Variants in MCM4 observed in about 807,000 individuals in gnomAD.
The protein encoded by MCM4 is DNA replication licensing factor MCM4.
Under a neutral mutation model 88.7 loss-of-function variants are expected in MCM4, and 60 were observed. The observed-to-expected ratio is 0.68, with a 90% CI of 0.55 to 0.84. MCM4 has a LOEUF of 0.84. Ranked by LOEUF, MCM4 falls within the 40% of genes least tolerant of loss-of-function variation. The pLI is 0.00. For missense variants in MCM4, 1,149 were observed against 1,105.5 expected (o/e 1.04, Z -0.56); for synonymous variants, 465 against 410.5 (o/e 1.13, Z -1.61).
intron 2 of MCM4, 135 bp from the exon 3 acceptor site, chr8:47,961,381 C>G (rs972350217): frequency 2.0e-6 from 3 of 1,534,708 alleles, no homozygotes; most frequent in Non-Finnish European, 2.6e-6. Context: ...GGCCTGGGTG[C>G]TGCTTAATTC....
In MCM4 at chr8:47,967,572, G is replaced by C. The variant is rs142928086; in HGVS notation, c.1174+87G>C. The C allele has an allele frequency of 2.6e-6, 4 of 1,525,902 alleles. No homozygotes were observed. The African/African-American group carries it at 5.4e-5, about 21-fold the overall frequency. The allele number at this position is 1,525,902 out of a possible 1,614,324, so 94.5% of individuals were successfully genotyped here. ...TAGTGAGTCATTGGACTTGGTCACA[G>C]GTCCAGTTCTACCTCCAGTTGTCAC... On this transcript the variant is annotated intron_variant, in intron 10 of 16. Coordinates refer to ENST00000649973, the MANE Select transcript of MCM4 (RefSeq NM_182746.3).
Position 47,976,924 on chromosome 8 carries a change from A to G in MCM4, c.*146A>G, listed in dbSNP as rs541909905. On this transcript the variant is annotated 3_prime_UTR_variant, in exon 17 of 17. Coordinates refer to ENST00000649973, the MANE Select transcript of MCM4 (RefSeq NM_182746.3). ...ATAAAAATTTTCTAACTTGGGTTCAATATTTGTAGTGAAGTATCTGTTTTC... is the reference window on the plus strand; with the variant it reads ...ATAAAAATTTTCTAACTTGGGTTCAGTATTTGTAGTGAAGTATCTGTTTTC... 1.6e-5 allele frequency: 9 copies of G among 562,504 alleles called. No individual in the cohort carries two copies. The highest frequency in any genetic ancestry group is 5.7e-5 in the African/African-American group (3 of 53,078). 34.8% of individuals were successfully genotyped at this position (562,504 alleles called of 1,614,324 possible).
chr8:47,975,295 C>T lies in MCM4; in HGVS notation c.2365+333C>T, dbSNP rs17287746. The T allele has an allele frequency of 5.8e-3, 1,249 of 214,510 alleles. 14 individuals carry two copies. The highest frequency in any genetic ancestry group is 0.027 in the African/African-American group (1,149 of 42,372). 13.3% of individuals were successfully genotyped at this position (214,510 alleles called of 1,614,324 possible). On this transcript the variant is annotated intron_variant, in intron 15 of 16. Coordinates refer to ENST00000649973, the MANE Select transcript of MCM4 (RefSeq NM_182746.3). Reference sequence around the variant, plus strand: ...CTGTACCCAGTAACTCGTCATTTAACATTACGTGTATCTCCAAATGCTATC... The same window carrying T: ...CTGTACCCAGTAACTCGTCATTTAATATTACGTGTATCTCCAAATGCTATC...
rs1361016556 is a variant in MCM4, at chr8:47,970,717, A to G, written c.1641A>G (p.Val547=). 6.2e-7 allele frequency: 1 copy of G among 1,614,180 alleles called. No individual in the cohort carries two copies. Among genetic ancestry groups the G allele is most frequent in the South Asian group, 1.1e-5 (1 of 91,084 alleles). ...GSSAVGLTAY[V]MKDPETRQLV... Reference sequence around the variant, plus strand: ...GTGCAGTTGGCCTCACTGCGTACGTAATGAAAGACCCTGAGACAAGGCAGC... The same window carrying G: ...GTGCAGTTGGCCTCACTGCGTACGTGATGAAAGACCCTGAGACAAGGCAGC... The change falls in exon 12 of 17, where the codon GTA becomes GTG. Residue 547 remains valine, a synonymous_variant. Transcript: ENST00000649973.
At position 47,976,696 on chromosome 8, in the gene MCM4, A is replaced by T; in HGVS notation, c.2510A>T (p.Lys837Ile). 6.2e-7 allele frequency: 1 copy of T among 1,612,362 alleles called. No homozygotes were observed. The highest frequency in any genetic ancestry group is 1.1e-5 in the South Asian group (1 of 91,022). ...IRGQSDIAIT[K>I]DMFEEALRAL... Reference sequence around the variant, plus strand: ...TTCTCTTCCCCACAGGCAATTACTAAAGATATGTTTGAAGAAGCACTGCGT... The same window carrying T: ...TTCTCTTCCCCACAGGCAATTACTATAGATATGTTTGAAGAAGCACTGCGT... The change falls in exon 17 of 17, where the codon AAA (lysine) becomes ATA (isoleucine). Residue 837 changes from lysine to isoleucine, a missense_variant. By Grantham distance (102) the Lys-to-Ile change is moderately radical. This residue lies in a region of MCM4 where 238 missense variants were observed against 241.6 expected (regional missense o/e 0.99). Transcript: ENST00000649973.
In MCM4 at chr8:47,960,961, G is replaced by T. The variant is rs17287533; in HGVS notation, c.-68G>T. The T allele has an allele frequency of 3.4e-4, 199 of 583,312 alleles. 1 individual carries two copies. In the East Asian group the frequency reaches 4.9e-3, roughly 14 times the overall value. The allele number at this position is 583,312 out of a possible 1,614,324, so 36.1% of individuals were successfully genotyped here. On this transcript the variant is annotated 5_prime_UTR_variant, in exon 1 of 17. Transcript: ENST00000649973. ...GTCTCGCGGTTTGGGAGCGCTACTC[G>T]CCAGGTGGACTCGGAGTCCGCGAGC...
chr8:47,966,455 C>T (rs1252652643), intron 9 of MCM4, 48 bp downstream of exon 9: 3 of 1,510,456 alleles, frequency 2.0e-6, no homozygotes, highest in Non-Finnish European at 2.7e-6. Context: ...CTGTCTGTAT[C>T]CTCAAAAGGC....
chr8:47,961,654 C>G lies in MCM4; in HGVS notation c.209C>G (p.Ser70Cys). 1 of 1,611,540 alleles carries G rather than the reference C, an allele frequency of 6.2e-7. No homozygotes were observed. Among genetic ancestry groups the G allele is most frequent in the Non-Finnish European group, 8.5e-7 (1 of 1,178,244 alleles). ...CCTGCTGCGCAGGACGTGCTGTTTTCCAGCCCTCCCCAAATGCATTCTTCA... is the reference window on the plus strand; with the variant it reads ...CCTGCTGCGCAGGACGTGCTGTTTTGCAGCCCTCCCCAAATGCATTCTTCA... ...QSPAAQDVLF[S>C]SPPQMHSSAI... The change falls in exon 3 of 17, where the codon TCC becomes TGC. Residue 70 changes from serine to cysteine, a missense_variant. By Grantham distance (112) the Ser-to-Cys change is moderately radical. Around this residue, in one of 3 missense-constraint regions of MCM4, gnomAD observed 906 missense variants for 843.0 expected, o/e 1.07. Transcript: ENST00000649973.
At chr8:47,969,441 T>C (rs1192741006) in intron 10 of MCM4, 1 of 206,412 alleles carries the variant, frequency 4.8e-6, no homozygotes, top group Non-Finnish European at 9.9e-6. Flanking sequence ...GTATTTTTAG[T>C]AGAGACAGGG....
chr8:47,965,148 G>A (rs1408223290), intron 8 of MCM4, among the ~76,000 whole-genome samples: 1 of 152,040 alleles, frequency 6.6e-6, no homozygotes, highest in East Asian at 1.9e-4. Flanking sequence ...CCGGGAGGCG[G>A]AGGTTGCACT....
intron 10 of MCM4, chr8:47,969,522 T>C (rs2090931569): frequency 2.3e-6 from 1 of 429,190 alleles, no homozygotes; most frequent in Non-Finnish European, 4.2e-6. Context: ...CCTCCCAAAG[T>C]GCTAGGATTA....
In MCM4 at chr8:47,961,184, C is replaced by A; in HGVS notation, c.40C>A (p.Arg14=). 6.5e-7 allele frequency: 1 copy of A among 1,547,370 alleles called. No individual in the cohort carries two copies. Residue 14 remains arginine (R), a synonymous_variant, in exon 2 of 17, where the codon CGG becomes AGG. Transcript: ENST00000649973. ...PASTPSRRGS[R]RGRATPAQTP... Reference sequence around the variant, plus strand: ...GTCGACCCCGAGCCGCCGCGGCAGCCGGCGTGGAAGGGCCACCCCCGCCCA... The same window carrying A: ...GTCGACCCCGAGCCGCCGCGGCAGCAGGCGTGGAAGGGCCACCCCCGCCCA...
chr8:47,975,244 A>G (rs2090991225), intron 15 of MCM4: 1 of 302,150 alleles, frequency 3.3e-6, no homozygotes, highest in Non-Finnish European at 6.3e-6. Context: ...TTAGTTACAT[A>G]TGTACGCATG....
Position 47,974,938 on chromosome 8 carries a change from G to C in MCM4, c.2341G>C (p.Val781Leu), listed in dbSNP as rs765226208. The C allele has an allele frequency of 2.5e-6, 4 of 1,614,012 alleles. No homozygotes were observed. Among genetic ancestry groups the C allele is most frequent in the South Asian group, 2.2e-5 (2 of 91,090 alleles). ...QSATDPRTGI[V>L]DISILTTGMS... ...TGCAACTGATCCCCGGACTGGCATCGTGGACATATCTATTCTTACTACGGG... is the reference window on the plus strand; with the variant it reads ...TGCAACTGATCCCCGGACTGGCATCCTGGACATATCTATTCTTACTACGGG... The change falls in exon 15 of 17, where the codon GTG becomes CTG. Residue 781 changes from valine (V) to leucine (L), a missense_variant. Coordinates refer to ENST00000649973, the MANE Select transcript of MCM4 (RefSeq NM_182746.3).
chr8:47,961,712 C>T lies in MCM4; in HGVS notation c.235+32C>T, dbSNP rs771512524. ...GTCTGAAGATCTTGGTTTTGCTGTG[C>T]TTGATACACAGCTGATGCTTTATCT... On this transcript the variant is annotated intron_variant, in intron 3 of 16. Coordinates refer to ENST00000649973, the MANE Select transcript of MCM4 (RefSeq NM_182746.3). 3.2e-6 allele frequency: 5 copies of T among 1,580,582 alleles called. No individual in the cohort carries two copies. The African/African-American group carries it at 6.8e-5, about 21-fold the overall frequency.
Position 47,970,655 on chromosome 8 carries a change from G to T in MCM4, c.1579G>T (p.Val527Phe), listed in dbSNP as rs751154452. 8.1e-6 allele frequency: 13 copies of T among 1,614,100 alleles called. No homozygotes were observed. The highest frequency in any genetic ancestry group is 1.0e-5 in the Non-Finnish European group (12 of 1,180,038). The change falls in exon 12 of 17, where the codon GTC (valine) becomes TTC (phenylalanine). Residue 527 changes from valine to phenylalanine, a missense_variant. Around this residue, in one of 3 missense-constraint regions of MCM4, gnomAD observed 906 missense variants for 843.0 expected, o/e 1.07. Coordinates refer to ENST00000649973, the MANE Select transcript of MCM4 (RefSeq NM_182746.3). ...GCTGCTGCAGTACGTGTACAACCTC[G>T]TCCCCAGGGGCCAGTACACGTCTGG... Reference protein sequence around the residue: ...SQLLQYVYNLVPRGQYTSGKG... With the variant: ...SQLLQYVYNLFPRGQYTSGKG...
In MCM4 at chr8:47,970,390, A is replaced by T. The variant is rs1432448216; in HGVS notation, c.1435-121A>T. 15 of 1,300,266 alleles carry T rather than the reference A, an allele frequency of 1.2e-5. No individual in the cohort carries two copies. In the South Asian group the frequency reaches 2.2e-4, roughly 19 times the overall value. 80.5% of individuals were successfully genotyped at this position (1,300,266 alleles called of 1,614,324 possible). ...CAAGCACTTTCACGAGCCTTTTTAT[A>T]CCTTCCTGTGATTTCTTAATTGTAG... On this transcript the variant is annotated intron_variant, in intron 11 of 16. Transcript: ENST00000649973.
In MCM4 at chr8:47,962,955, T is replaced by C. The variant is rs2090860333; in HGVS notation, c.608T>C (p.Ile203Thr). ...YMQRLGEINVIGEPFLNVNCE... is the reference protein window; with the variant it reads ...YMQRLGEINVTGEPFLNVNCE... ...ATTTTTATTTTCTAGATTAATGTTA[T>C]TGGTGAGCCATTTTTAAATGTGAAC... The change falls in exon 7 of 17, where the codon ATT (isoleucine) becomes ACT (threonine). Residue 203 changes from isoleucine (I) to threonine (T), a missense_variant. This residue lies in a region of MCM4 where 906 missense variants were observed against 843.0 expected (regional missense o/e 1.07). Transcript: ENST00000649973. The C allele has an allele frequency of 6.3e-7, 1 of 1,599,998 alleles. No individual in the cohort carries two copies. The highest frequency in any genetic ancestry group is 8.5e-7 in the Non-Finnish European group (1 of 1,174,356).
intron 8 of MCM4, 73 bp from the exon 9 acceptor site, chr8:47,966,114 G>A (rs1174870401): frequency 1.2e-5 from 16 of 1,286,112 alleles, no homozygotes; most frequent in Non-Finnish European, 1.8e-5. Flanking sequence ...CCTAGCTCCT[G>A]TCTGTGATCC....
Sources: gnomAD v4.1 joint callset for allele counts (sites outside exome capture counted in the v4.1 genomes callset) on GRCh38, gnomAD v4.1.1 for gene constraint, gnomAD v4.1.1 regional missense constraint, MANE v1.5 for transcripts, NCBI Gene and HGNC (gene_info 2026-07-23, HGNC 2026-07-21) for gene names.